Variants in SNRPN observed in about 807,000 individuals in gnomAD.
SNRPN encodes small nuclear ribonucleoprotein-associated protein N.
In SNRPN, 7 loss-of-function variants were observed where a neutral mutation model predicts 25.2. That is an observed-to-expected ratio of 0.28 (90% CI 0.16 to 0.52). The LOEUF is 0.52. Among genes scored for constraint, SNRPN ranks in the 20% least tolerant of loss-of-function variants. The pLI, the probability that SNRPN is intolerant of heterozygous loss-of-function variation, is 0.96. For missense variants in SNRPN, 196 were observed against 322.5 expected (o/e 0.61, Z 3.00); for synonymous variants, 124 against 110.6 (o/e 1.12, Z -0.76).
rs1203919536 is a variant in SNRPN at position 24,909,627 on chromosome 15, A to G, written c.-504-10384A>G. ...ATCATATCCCCCTCTATATGGGCAT[A>G]AGCAATCTGACAAATGATATCTCTG... is the stretch of plus-strand genomic sequence containing the variant. On this transcript the variant is annotated intron_variant, in intron 2 of 11. Transcript: ENST00000400097. 3.3e-6 allele frequency: 4 copies of G among 1,220,278 alleles called. No homozygotes were observed. The East Asian group carries it at 7.0e-5, about 21-fold the overall frequency. 75.6% of individuals were successfully genotyped at this position (1,220,278 alleles called of 1,614,324 possible). A position where few individuals can be genotyped will look rare whatever the true frequency, so the allele number is the denominator to read the frequency against.
upstream of SNRPN, among the ~76,000 whole-genome samples, chr15:24,950,542 T>G (rs2062179575): frequency 6.9e-6 from 1 of 145,882 alleles, no homozygotes; most frequent in African/African-American, 2.7e-5. Context: ...ATGTTCTCAT[T>G]TCTTTTTTTT....
intron 6 of SNRPN, 98 bp downstream of exon 6, chr15:24,976,514 G>A (rs907805284): frequency 1.2e-6 from 1 of 850,868 alleles, no homozygotes; most frequent in African/African-American, 1.7e-5. Flanking sequence ...AGTTCAACAT[G>A]GATTGTCAAA....
intron 3 of SNRPN, among the ~76,000 whole-genome samples, chr15:24,971,893 C>T (rs1469341310): frequency 6.6e-6 from 1 of 152,198 alleles, no homozygotes; most frequent in African/African-American, 2.4e-5. Context: ...CTGTCTTGCT[C>T]ATTCACAGTC....
At chr15:24,834,751 C>CTCTCTATATATATATATATATATGTATA in intron 2 of SNRPN, among the ~76,000 whole-genome samples, 1 of 60,956 alleles carries the variant, frequency 1.6e-5, no homozygotes, top group African/African-American at 5.9e-5. Flanking sequence ...CTCTCTCTCT[C>CTCTCTATATATATATATATATATGTATA]TATATATATA....
chr15:24,920,968 T>C lies in SNRPN; in HGVS notation c.-391+844T>C, dbSNP rs2059992530. Among the ~76,000 whole-genome samples the C allele has an allele frequency of 2.0e-5, 3 of 152,266 alleles. No individual in the cohort carries two copies. In the South Asian group the frequency reaches 6.2e-4, roughly 32 times the overall value. ...CAGGTGTAGTACCCTTCCAAGTAGA[T>C]AATGATTGAAAGAGTATGTGCTGGA... On this transcript the variant is annotated intron_variant, in intron 3 of 11. Coordinates refer to the SNRPN transcript ENST00000400097.
At chr15:24,884,004 TA>T (rs34950476) in intron 1 of SNRPN, among the ~76,000 whole-genome samples, 53,511 of 126,904 alleles carry the variant, frequency 0.42, 10,863 homozygotes, top group African/African-American at 0.51. Context: ...CCACTCTGTC[TA>T]AAAAAAAAAA....
intron 2 of SNRPN, among the ~76,000 whole-genome samples, chr15:24,837,296 T>A (rs542234879): frequency 6.6e-6 from 1 of 152,132 alleles, no homozygotes; most frequent in East Asian, 1.9e-4. Flanking sequence ...CATTTTATAT[T>A]TATGCAGAGC....
At chr15:24,933,576 G>C (rs955081163) in intron 3 of SNRPN, among the ~76,000 whole-genome samples, 1 of 152,114 alleles carries the variant, frequency 6.6e-6, no homozygotes, top group African/African-American at 2.4e-5. Flanking sequence ...TCAGGAGTTC[G>C]AGACCAGGCT....
intron 2 of SNRPN, among the ~76,000 whole-genome samples, chr15:24,837,325 C>T (rs575463267): frequency 2.6e-4 from 39 of 151,524 alleles, no homozygotes; most frequent in African/African-American, 8.0e-4. Flanking sequence ...GGAAAAATCC[C>T]GTGGAAAAAC....
chr15:24,977,950 A>G (rs759844041), intron 8 of SNRPN, 34 bp downstream of exon 8: 1 of 1,520,668 alleles, frequency 6.6e-7, no homozygotes, highest in Admixed American at 2.2e-5. Context: ...ACGAACTTGA[A>G]TCTCTGATGA....
chr15:24,859,526 A>G (rs773391750), intron 1 of SNRPN, among the ~76,000 whole-genome samples: 12 of 152,196 alleles, frequency 7.9e-5, no homozygotes, highest in Non-Finnish European at 1.6e-4. Flanking sequence ...AAGATGTATA[A>G]GATGTGAGAA....
intron 2 of SNRPN, among the ~76,000 whole-genome samples, chr15:24,910,071 C>T (rs940967348): frequency 1.3e-5 from 2 of 152,140 alleles, no homozygotes; most frequent in African/African-American, 4.8e-5. Context: ...TTAACTTATA[C>T]ATTCATTAGA....
chr15:24,915,557 A>G (rs2059459757), intron 2 of SNRPN, among the ~76,000 whole-genome samples: 1 of 152,192 alleles, frequency 6.6e-6, no homozygotes, highest in Admixed American at 6.5e-5. Context: ...TCCTGTATGC[A>G]TTATGCTCCC....
intron 3 of SNRPN, among the ~76,000 whole-genome samples, chr15:24,940,945 C>G (rs2061512582): frequency 1.3e-5 from 2 of 152,088 alleles, no homozygotes; most frequent in Admixed American, 6.6e-5. Context: ...AGGCAGAATT[C>G]CCTCTCTTCC....
intron 1 of SNRPN, among the ~76,000 whole-genome samples, chr15:24,857,243 G>A (rs2053487150): frequency 6.6e-6 from 1 of 152,212 alleles, no homozygotes; most frequent in Non-Finnish European, 1.5e-5. Context: ...AAATAGGAAT[G>A]TCGTCATGTT....
chr15:24,837,535 A>G (rs1186703771), intron 2 of SNRPN, among the ~76,000 whole-genome samples: 13 of 150,498 alleles, frequency 8.6e-5, no homozygotes, highest in Non-Finnish European at 4.4e-5. Context: ...TGCCTGGCTA[A>G]TTTTTTTGTA....
intron 1 of SNRPN, among the ~76,000 whole-genome samples, chr15:24,870,997 C>A (rs1409337118): frequency 6.6e-6 from 1 of 151,826 alleles, no homozygotes; most frequent in Non-Finnish European, 1.5e-5. Flanking sequence ...TATCTTGCTT[C>A]AGCTTCCCAG....
At chr15:24,907,738 G>T (rs369944231) in intron 2 of SNRPN, among the ~76,000 whole-genome samples, 1 of 151,668 alleles carries the variant, frequency 6.6e-6, no homozygotes, top group African/African-American at 2.4e-5. Flanking sequence ...AAGCCACCAC[G>T]CCTGGCCAAG....
chr15:24,962,108 T>C lies in SNRPN; in HGVS notation c.-390-6T>C. The C allele has an allele frequency of 1.2e-6, 2 of 1,613,790 alleles. No homozygotes were observed. Among genetic ancestry groups the C allele is most frequent in the South Asian group, 1.1e-5 (1 of 91,080 alleles). On this transcript the variant is annotated splice_region_variant and splice_polypyrimidine_tract_variant and intron_variant, in intron 1 of 9. Transcript: ENST00000390687. ...ACCAAACAAATGCCTCTCTTTTCTG[T>C]TTCAGGGATCGCTTACACCTGAGAC...
Sources: gnomAD v4.1 joint callset for allele counts (sites outside exome capture counted in the v4.1 genomes callset) on GRCh38, gnomAD v4.1.1 for gene constraint, MANE v1.5 for transcripts, NCBI Gene and HGNC (gene_info 2026-07-23, HGNC 2026-07-21) for gene names.